MDGA2: variants seen among roughly 807,000 people sequenced by gnomAD.
MDGA2 encodes MAM domain-containing glycosylphosphatidylinositol anchor protein 2.
MDGA2 carries 40 observed loss-of-function variants against 117.8 expected under a neutral mutation model. The ratio of observed to expected loss-of-function variants is 0.34; its 90% CI spans 0.26 to 0.44. The LOEUF is 0.44. MDGA2 is among the 20% of genes least tolerant of loss of function. MDGA2 has a pLI of 1.00. For synonymous variants in MDGA2, 452 were observed against 439.0 expected (o/e 1.03, Z -0.37); for missense variants, 1,123 against 1,250.6 (o/e 0.90, Z 1.54).
In MDGA2 at chr14:47,343,697, T is replaced by C. The variant is rs1435251704; in HGVS notation, c.281-42147A>G. Among the ~76,000 whole-genome samples the C allele has an allele frequency of 2.7e-4, 41 of 152,166 alleles. 1 individual carries two copies. Among genetic ancestry groups the C allele is most frequent in the Admixed American group, 2.7e-3 (41 of 15,268 alleles). On this transcript the variant is annotated intron_variant, in intron 1 of 16. Transcript: ENST00000399232. ...ATTTATCTCCTTAAAAAGTTTTCAT[T>C]TAGTTAATTATAATTTCATATTGCT...
rs550615091 is a variant in MDGA2 at position 46,994,793 on chromosome 14, ATTGT to A, written c.1820-37154_1820-37151del. 2.2e-3 allele frequency among the ~76,000 whole-genome samples: 332 copies of A among 152,308 alleles called. 1 individual carries two copies. Among genetic ancestry groups the A allele is most frequent in the African/African-American group, 7.5e-3 (312 of 41,574 alleles). ...TAAAATTGAAAATATTAAATCATTA[ATTGT>A]TTGTCTTGATGAAAAGGTAATAACA... On this transcript the variant is annotated intron_variant, in intron 8 of 16. Coordinates refer to ENST00000399232, the MANE Select transcript of MDGA2 (RefSeq NM_001113498.3).
intron 1 of MDGA2, among the ~76,000 whole-genome samples, chr14:47,427,982 T>C (rs773319615): frequency 9.2e-5 from 14 of 152,168 alleles, no homozygotes; most frequent in Non-Finnish European, 1.8e-4. Context: ...GAAAGATAAA[T>C]TATTCCTTGA....
chr14:47,213,507 A>T lies in MDGA2; in HGVS notation c.595+4514T>A, dbSNP rs566684325. ...AACTATGATAGGAAATTCTTAATTT[A>T]AAAAAAACGTCATTTTGACTGTTTG... On this transcript the variant is annotated intron_variant, in intron 3 of 16. Coordinates refer to ENST00000399232, the MANE Select transcript of MDGA2 (RefSeq NM_001113498.3). Among the ~76,000 whole-genome samples the T allele has an allele frequency of 1.1e-4, 16 of 151,892 alleles. No individual in the cohort carries two copies. In the South Asian group the frequency reaches 2.9e-3, roughly 28 times the overall value.
In MDGA2 at chr14:47,113,919, A is replaced by G. The variant is rs902558688; in HGVS notation, c.926-16796T>C. On this transcript the variant is annotated intron_variant, in intron 5 of 16. Transcript: ENST00000399232. ...AAGTTCTGGCCAGGGCAATCAGGCAAGAGAAAGAAATAAAGGGTATTCAGA... is the reference window on the plus strand; with the variant it reads ...AAGTTCTGGCCAGGGCAATCAGGCAGGAGAAAGAAATAAAGGGTATTCAGA... Among the ~76,000 whole-genome samples the G allele has an allele frequency of 9.2e-5, 14 of 152,260 alleles. No homozygotes were observed. The East Asian group carries it at 1.9e-3, about 21-fold the overall frequency.
chr14:46,886,421 T>C (rs1246950529), intron 10 of MDGA2, among the ~76,000 whole-genome samples: 1 of 152,106 alleles, frequency 6.6e-6, no homozygotes, highest in African/African-American at 2.4e-5. Context: ...AAATTTAGTT[T>C]TAAACTATGC....
intron 7 of MDGA2, among the ~76,000 whole-genome samples, chr14:47,052,991 T>C (rs762732816): frequency 1.3e-5 from 2 of 151,906 alleles, no homozygotes; most frequent in East Asian, 1.9e-4. Context: ...AAGAGCTCAC[T>C]TCCATTATCA....
chr14:47,579,072 T>G (rs924158746), intron 1 of MDGA2, among the ~76,000 whole-genome samples: 3 of 152,034 alleles, frequency 2.0e-5, no homozygotes, highest in Admixed American at 1.3e-4. Flanking sequence ...TTATGAATAA[T>G]TTACAGAACA....
intron 1 of MDGA2, among the ~76,000 whole-genome samples, chr14:47,534,041 C>A (rs1259611699): frequency 6.6e-6 from 1 of 152,036 alleles, no homozygotes; most frequent in African/African-American, 2.4e-5. Flanking sequence ...TTAAATGGGT[C>A]TGGATATGTG....
At chr14:47,024,314 G>A (rs940050277) in intron 8 of MDGA2, among the ~76,000 whole-genome samples, 3 of 152,148 alleles carry the variant, frequency 2.0e-5, no homozygotes, top group Non-Finnish European at 4.4e-5. Flanking sequence ...ATCATTTTAT[G>A]TTGTACACAA....
intron 1 of MDGA2, among the ~76,000 whole-genome samples, chr14:47,446,191 T>C (rs900986242): frequency 7.2e-5 from 11 of 152,192 alleles, no homozygotes; most frequent in Non-Finnish European, 1.3e-4. Context: ...AAGATGTGTA[T>C]GAGTACTTGG....
intron 1 of MDGA2, among the ~76,000 whole-genome samples, chr14:47,429,431 G>C (rs2138523280): frequency 6.6e-6 from 1 of 151,990 alleles, no homozygotes; most frequent in African/African-American, 2.4e-5. Context: ...GTATCTTCTG[G>C]ATTTCTCTTT....
At chr14:47,585,148 T>A (rs528357987) in intron 1 of MDGA2, among the ~76,000 whole-genome samples, 97 of 152,054 alleles carry the variant, frequency 6.4e-4, no homozygotes, top group South Asian at 1.4e-3. Context: ...TAACTGTTTA[T>A]TCCAAATAGG....
chr14:47,171,068 A>G (rs1323119463), intron 3 of MDGA2, among the ~76,000 whole-genome samples: 3 of 152,170 alleles, frequency 2.0e-5, no homozygotes, highest in African/African-American at 7.2e-5. Context: ...AAAGTCATAT[A>G]CTCATAAGCC....
At chr14:47,011,069 AAGTAGATAACTTTTTAGCATCATAGGG>A (rs1887880945) in intron 8 of MDGA2, among the ~76,000 whole-genome samples, 1 of 152,034 alleles carries the variant, frequency 6.6e-6, no homozygotes, top group Admixed American at 6.6e-5. Context: ...AGAATAAAGA[AAGTAGATAACTTTTTAGCATCATAGGG>A]AAAAGTGAAT....
intron 8 of MDGA2, among the ~76,000 whole-genome samples, chr14:47,004,292 G>A (rs1887635453): frequency 6.6e-6 from 1 of 151,798 alleles, no homozygotes; most frequent in African/African-American, 2.4e-5. Flanking sequence ...ACTTTTTGGT[G>A]TATGGAAATC....
At chr14:47,078,808 A>C (rs1481859089) in intron 6 of MDGA2, among the ~76,000 whole-genome samples, 1 of 152,140 alleles carries the variant, frequency 6.6e-6, no homozygotes, top group Non-Finnish European at 1.5e-5. Context: ...GATAACACCT[A>C]TAATTTATTC....
chr14:46,971,121 T>G (rs1886244832), intron 8 of MDGA2, among the ~76,000 whole-genome samples: 1 of 152,050 alleles, frequency 6.6e-6, no homozygotes, highest in Non-Finnish European at 1.5e-5. Context: ...AGTGGGCAAG[T>G]AAATTAGTAT....
At chr14:47,532,986 C>T (rs935096336) in intron 1 of MDGA2, among the ~76,000 whole-genome samples, 1 of 152,166 alleles carries the variant, frequency 6.6e-6, no homozygotes, top group Non-Finnish European at 1.5e-5. Context: ...CTGCATCAGC[C>T]CTAGTTCTCC....
At chr14:47,261,975 GT>G (rs979290507) in intron 2 of MDGA2, among the ~76,000 whole-genome samples, 1 of 152,122 alleles carries the variant, frequency 6.6e-6, no homozygotes, top group African/African-American at 2.4e-5. Context: ...GACACTAAAT[GT>G]TGCTAGAGTG....
Sources: gnomAD v4.1 joint callset for allele counts (sites outside exome capture counted in the v4.1 genomes callset) on GRCh38, gnomAD v4.1.1 for gene constraint, MANE v1.5 for transcripts, NCBI Gene and HGNC (gene_info 2026-07-23, HGNC 2026-07-21) for gene names.